The following TMEM231 variants were observed in gnomAD, a reference collection of about 807,000 sequenced individuals.
TMEM231 encodes transmembrane protein 231.
Under a neutral mutation model 38.5 loss-of-function variants are expected in TMEM231, and 40 were observed. That is an observed-to-expected ratio of 1.04 (90% confidence interval 0.81 to 1.35). TMEM231 has a LOEUF of 1.35. Ranked by LOEUF, TMEM231 falls within the 40% of genes most tolerant of loss-of-function variation. The pLI, the probability that TMEM231 is intolerant of heterozygous loss-of-function variation, is 0.00. For synonymous variants in TMEM231, 199 were observed against 181.7 expected, an observed-to-expected ratio of 1.10 and a Z score of -0.77; for missense variants, 420 against 416.9, an observed-to-expected ratio of 1.01 and a Z score of -0.07.
chr16:75,546,090 AG>A, intron 2 of TMEM231, 136 bp from the exon 3 acceptor site: 1 of 1,545,556 alleles, frequency 6.5e-7, no homozygotes, highest in Non-Finnish European at 8.7e-7. Flanking sequence ...AAAAGAGAAA[AG>A]CAGATAGATG....
rs201518524 is a variant in TMEM231, at chr16:75,555,988, G to A, written c.140-15C>T. Reference sequence around the variant, plus strand: ...CAGCCAAAACCCTGAGTTAAAGAGGGCGGTAGGGAGGCGGTTAGGGAGGCC... The same window carrying A: ...CAGCCAAAACCCTGAGTTAAAGAGGACGGTAGGGAGGCGGTTAGGGAGGCC... On this transcript the variant is annotated splice_polypyrimidine_tract_variant and intron_variant, in intron 1 of 6. Transcript: ENST00000258173. 639 of 1,596,382 alleles carry A rather than the reference G, an allele frequency of 4.0e-4. 1 individual carries two copies. The highest frequency in any genetic ancestry group is 2.6e-3 in the Middle Eastern group (16 of 6,042).
chr16:75,554,059 A>T (rs1212125020), intron 2 of TMEM231, among the ~76,000 whole-genome samples: 2 of 152,194 alleles, frequency 1.3e-5, no homozygotes, highest in Non-Finnish European at 2.9e-5. Context: ...GTAAACATTC[A>T]GTGTTCATAT....
At chr16:75,546,949 G>T (rs1368109898) in intron 2 of TMEM231, among the ~76,000 whole-genome samples, 1 of 152,158 alleles carries the variant, frequency 6.6e-6, no homozygotes, top group African/African-American at 2.4e-5. Flanking sequence ...TGAAAGGAAA[G>T]AAGACAGAGG....
chr16:75,550,507 T>C (rs1317768508), intron 2 of TMEM231, among the ~76,000 whole-genome samples: 1 of 152,116 alleles, frequency 6.6e-6, no homozygotes, highest in African/African-American at 2.4e-5. Context: ...AAGCTGAGCG[T>C]AGGAGGGTGG....
intron 2 of TMEM231, chr16:75,555,597 G>A (rs2080800847): frequency 9.7e-6 from 5 of 514,434 alleles, no homozygotes; most frequent in African/African-American, 2.0e-5. Flanking sequence ...CTTTCTGGGG[G>A]CCGGGGACAT....
chr16:75,549,791 C>G (rs1375676143), intron 2 of TMEM231, among the ~76,000 whole-genome samples: 4 of 152,266 alleles, frequency 2.6e-5, no homozygotes, highest in African/African-American at 7.2e-5. Flanking sequence ...TCACCGCAAC[C>G]TCCACCTCCC....
chr16:75,553,975 A>G (rs545897783), intron 2 of TMEM231, among the ~76,000 whole-genome samples: 56 of 152,150 alleles, frequency 3.7e-4, no homozygotes, highest in African/African-American at 1.2e-3. Context: ...CTCTCCCCCA[A>G]TTCCTCCCAC....
chr16:75,551,298 A>G (rs1440761221), intron 2 of TMEM231, among the ~76,000 whole-genome samples: 1 of 152,164 alleles, frequency 6.6e-6, no homozygotes, highest in Non-Finnish European at 1.5e-5. Context: ...CTCAGGCTCA[A>G]GTGATCCTCC....
intron 2 of TMEM231, among the ~76,000 whole-genome samples, chr16:75,552,823 A>G (rs1009092763): frequency 6.6e-6 from 1 of 152,160 alleles, no homozygotes; most frequent in Non-Finnish European, 1.5e-5. Flanking sequence ...CACTGATTTC[A>G]GGGATGAGAA....
At chr16:75,544,636 G>T (rs1259381547) in intron 4 of TMEM231, among the ~76,000 whole-genome samples, 2 of 152,170 alleles carry the variant, frequency 1.3e-5, no homozygotes, top group Non-Finnish European at 2.9e-5. Flanking sequence ...AGTAAACTAT[G>T]GCTAGTAATA....
intron 4 of TMEM231, 89 bp downstream of exon 4, chr16:75,545,263 C>G: frequency 6.5e-7 from 1 of 1,529,666 alleles, no homozygotes; most frequent in Non-Finnish European, 8.8e-7. Context: ...CCTGGCCTGA[C>G]ATTTCTACTT....
intron 2 of TMEM231, among the ~76,000 whole-genome samples, chr16:75,554,287 G>A (rs374041387): frequency 6.6e-6 from 1 of 152,064 alleles, no homozygotes; most frequent in Admixed American, 6.6e-5. Flanking sequence ...TCCCTAGGCC[G>A]GGCACAGTGG....
intron 4 of TMEM231, among the ~76,000 whole-genome samples, chr16:75,543,254 C>CA (rs1198734199): frequency 2.0e-3 from 290 of 147,798 alleles, no homozygotes; most frequent in African/African-American, 6.5e-3. Flanking sequence ...CTTCATCTCT[C>CA]AAAAAAAAAT....
chr16:75,551,247 G>C (rs545388256), intron 2 of TMEM231, among the ~76,000 whole-genome samples: 134 of 151,938 alleles, frequency 8.8e-4, no homozygotes, highest in African/African-American at 3.2e-3. Flanking sequence ...AAAAAGGCTA[G>C]AGTGCAGTGG....
chr16:75,555,842 G>C lies in TMEM231; in HGVS notation c.271C>G (p.Arg91Gly). ...LAWSTFPAFN[R>G]LQGDRLRVPL... ...ACGCGCAGGCGATCCCCTTGCAGCCGGTTGAAGGCGGGGAACGTGCTCCAG... is the reference window on the plus strand; with the variant it reads ...ACGCGCAGGCGATCCCCTTGCAGCCCGTTGAAGGCGGGGAACGTGCTCCAG... The change falls in exon 2 of 7, where the codon CGG becomes GGG. Residue 91 changes from arginine (R) to glycine (G), a missense_variant. Physicochemically the swap from Arg to Gly is moderately radical, Grantham distance 125. Transcript: ENST00000258173. 6.3e-7 allele frequency: 1 copy of C among 1,577,432 alleles called. No homozygotes were observed. The highest frequency in any genetic ancestry group is 8.6e-7 in the Non-Finnish European group (1 of 1,161,960).
chr16:75,543,477 A>G (rs948184418), intron 4 of TMEM231, among the ~76,000 whole-genome samples: 18 of 152,028 alleles, frequency 1.2e-4, no homozygotes, highest in African/African-American at 1.7e-4. Flanking sequence ...GGCTGAAATC[A>G]GAGGATCTCT....
chr16:75,544,714 G>A (rs112538750), intron 4 of TMEM231, among the ~76,000 whole-genome samples: 1 of 152,112 alleles, frequency 6.6e-6, no homozygotes, highest in Non-Finnish European at 1.5e-5. Flanking sequence ...TACATCCTGC[G>A]TGTGACCAAG....
intron 2 of TMEM231, among the ~76,000 whole-genome samples, chr16:75,551,918 C>T (rs188095190): frequency 6.6e-5 from 10 of 150,712 alleles, no homozygotes; most frequent in African/African-American, 9.8e-5. Context: ...GAAGAGATTG[C>T]GCCACTGCAC....
At chr16:75,544,589 A>G (rs1250268069) in intron 4 of TMEM231, among the ~76,000 whole-genome samples, 1 of 152,134 alleles carries the variant, frequency 6.6e-6, no homozygotes, top group African/African-American at 2.4e-5. Flanking sequence ...GATATAGGTA[A>G]ACGCCTGCAC....
Sources: gnomAD v4.1 joint callset for allele counts (sites outside exome capture counted in the v4.1 genomes callset) on GRCh38, gnomAD v4.1.1 for gene constraint, MANE v1.5 for transcripts, NCBI Gene and HGNC (gene_info 2026-07-23, HGNC 2026-07-21) for gene names.